The following ADGRL3 variants were observed in gnomAD, a reference collection of about 807,000 sequenced individuals.
ADGRL3 encodes adhesion G protein-coupled receptor L3, also known as calcium-independent alpha-latrotoxin receptor 3.
ADGRL3 carries 62 observed loss-of-function variants against 153.5 expected under a neutral mutation model. The ratio of observed to expected loss-of-function variants is 0.40; its 90% CI spans 0.33 to 0.50. ADGRL3 has a LOEUF of 0.50. ADGRL3 is among the 20% of genes least tolerant of loss of function. The pLI, the probability that ADGRL3 is intolerant of heterozygous loss-of-function variation, is 0.47. For missense variants in ADGRL3, 1,641 were observed against 1,859.4 expected (o/e 0.88, Z 2.16); for synonymous variants, 710 against 672.5 (o/e 1.06, Z -0.86).
chr4:61,808,046 C>G (rs1439821679), intron 8 of ADGRL3, among the ~76,000 whole-genome samples: 2 of 152,162 alleles, frequency 1.3e-5, no homozygotes, highest in Non-Finnish European at 2.9e-5. Flanking sequence ...CAGTCTTTCA[C>G]TGGACTATGA....
At position 61,477,946 on chromosome 4, in the gene ADGRL3, A is replaced by G. The variant is rs568950895; in HGVS notation, c.-173-19175A>G. On this transcript the variant is annotated intron_variant, in intron 2 of 26. Transcript: ENST00000683033. ...AAAAAAAGGCTTGAAATAGTTTAAG[A>G]GTTTTCATTAGTTCTGAAACATTGT... Among the ~76,000 whole-genome samples the G allele has an allele frequency of 2.0e-3, 301 of 152,168 alleles. 2 individuals carry two copies. Among genetic ancestry groups the G allele is most frequent in the African/African-American group, 7.0e-3 (292 of 41,552 alleles).
chr4:61,797,895 CT>C (rs1169151130), intron 8 of ADGRL3, among the ~76,000 whole-genome samples: 2 of 152,082 alleles, frequency 1.3e-5, no homozygotes, highest in East Asian at 3.9e-4. Context: ...TATTGTCATA[CT>C]TGTTAGCGAT....
At chr4:61,646,930 C>T (rs968098367) in intron 5 of ADGRL3, among the ~76,000 whole-genome samples, 26 of 152,336 alleles carry the variant, frequency 1.7e-4, no homozygotes, top group African/African-American at 4.3e-4. Context: ...ATCAGCGAGA[C>T]TCCGTGGGCG....
At chr4:61,217,961 A>G (rs950502098) in intron 1 of ADGRL3, among the ~76,000 whole-genome samples, 2 of 152,196 alleles carry the variant, frequency 1.3e-5, no homozygotes, top group Non-Finnish European at 2.9e-5. Flanking sequence ...AACAATTGTT[A>G]AGGAAACTGT....
At chr4:61,737,464 A>ATT in intron 8 of ADGRL3, among the ~76,000 whole-genome samples, 1 of 152,132 alleles carries the variant, frequency 6.6e-6, no homozygotes, top group Non-Finnish European at 1.5e-5. Context: ...TCTGAACATG[A>ATT]GCTTGGGAGT....
intron 9 of ADGRL3, among the ~76,000 whole-genome samples, chr4:61,877,620 G>T (rs1383567361): frequency 1.3e-5 from 2 of 152,182 alleles, no homozygotes; most frequent in Non-Finnish European, 2.9e-5. Flanking sequence ...TTAAACAACA[G>T]AAATTTACTG....
intron 21 of ADGRL3, among the ~76,000 whole-genome samples, chr4:62,005,357 C>A (rs1439269276): frequency 6.6e-6 from 1 of 152,034 alleles, no homozygotes; most frequent in Non-Finnish European, 1.5e-5. Context: ...CATATTTTGT[C>A]GACTGGAAGC....
intron 8 of ADGRL3, among the ~76,000 whole-genome samples, chr4:61,765,924 G>C (rs1213020037): frequency 6.6e-6 from 1 of 152,122 alleles, no homozygotes; most frequent in Non-Finnish European, 1.5e-5. Context: ...TTATTTCTTT[G>C]AGGATAGATT....
rs557079379 is a variant in ADGRL3 at position 61,423,729 on chromosome 4, C to CT, written c.-174+40541dup. 7.5e-4 allele frequency among the ~76,000 whole-genome samples: 114 copies of CT among 152,240 alleles called. 1 individual carries two copies. Among genetic ancestry groups the CT allele is most frequent in the Non-Finnish European group, 1.4e-3 (93 of 68,016 alleles). ...AGAGGTTTCAGACTTTTAAAGCCTG[C>CT]TGAAAGTCCTGGTTGTGTTGTTCTT... is the stretch of plus-strand genomic sequence containing the variant. On this transcript the variant is annotated intron_variant, in intron 2 of 26. Coordinates refer to ENST00000683033, the MANE Select transcript of ADGRL3 (RefSeq NM_001387552.1).
intron 3 of ADGRL3, among the ~76,000 whole-genome samples, chr4:61,498,110 G>C (rs1194009438): frequency 1.3e-5 from 2 of 152,102 alleles, no homozygotes; most frequent in East Asian, 3.9e-4. Context: ...AAAAGTATCT[G>C]CTTTCCAAAA....
intron 4 of ADGRL3, among the ~76,000 whole-genome samples, chr4:61,550,126 A>C (rs1425833330): frequency 1.3e-5 from 2 of 151,934 alleles, no homozygotes; most frequent in African/African-American, 4.8e-5. Context: ...AAAATTCCTT[A>C]CCAAAATATA....
intron 6 of ADGRL3, among the ~76,000 whole-genome samples, chr4:61,723,461 A>G (rs569122319): frequency 1.7e-4 from 26 of 152,236 alleles, no homozygotes; most frequent in African/African-American, 6.0e-4. Context: ...CTGAACAGAT[A>G]AAAACCCCTG....
intron 1 of ADGRL3, among the ~76,000 whole-genome samples, chr4:61,275,194 T>C (rs1418484139): frequency 2.0e-5 from 3 of 152,320 alleles, no homozygotes; most frequent in Non-Finnish European, 4.4e-5. Context: ...CTGTCAATGT[T>C]GTCAGTTGTG....
At chr4:61,338,905 AT>A (rs2095744936) in intron 1 of ADGRL3, among the ~76,000 whole-genome samples, 1 of 152,202 alleles carries the variant, frequency 6.6e-6, no homozygotes, top group East Asian at 1.9e-4. Flanking sequence ...AGTCTAATGT[AT>A]ATCAGTTGTG....
At chr4:61,615,577 TGTGTG>T (rs1215726248) in intron 5 of ADGRL3, among the ~76,000 whole-genome samples, 2 of 938 alleles carry the variant, frequency 2.1e-3, no homozygotes, top group African/African-American at 2.9e-3. Context: ...GTTGGAATAT[TGTGTG>T]TGTGTGTGTG....
chr4:61,930,593 T>C (rs2098813725), intron 13 of ADGRL3, among the ~76,000 whole-genome samples: 1 of 152,130 alleles, frequency 6.6e-6, no homozygotes, highest in African/African-American at 2.4e-5. Context: ...TTATATGCTA[T>C]GAGTAATATT....
Position 61,315,053 on chromosome 4 carries a change from T to C in ADGRL3, c.-239-68071T>C, listed in dbSNP as rs565460781. ...TGGGATCTTGATCTAACCTGGGTTA[T>C]GAAAGAAGGCTACCTAAGGAAGGGA... On this transcript the variant is annotated intron_variant, in intron 1 of 26. Coordinates refer to ENST00000683033, the MANE Select transcript of ADGRL3 (RefSeq NM_001387552.1). Among the ~76,000 whole-genome samples, 7 of 152,324 alleles carry C rather than the reference T, an allele frequency of 4.6e-5. No homozygotes were observed. The South Asian group carries it at 1.2e-3, about 27-fold the overall frequency.
At chr4:61,238,204 C>T (rs185848117) in intron 1 of ADGRL3, among the ~76,000 whole-genome samples, 4 of 152,158 alleles carry the variant, frequency 2.6e-5, no homozygotes, top group African/African-American at 4.8e-5. Context: ...ATAGAACCAC[C>T]GTGTCCTCCT....
chr4:61,958,297 T>C (rs1468538044), intron 17 of ADGRL3, among the ~76,000 whole-genome samples: 3 of 152,160 alleles, frequency 2.0e-5, no homozygotes, highest in African/African-American at 7.2e-5. Flanking sequence ...CTCTTACATA[T>C]CCAAAAAGTG....
Sources: gnomAD v4.1 joint callset for allele counts (sites outside exome capture counted in the v4.1 genomes callset) on GRCh38, gnomAD v4.1.1 for gene constraint, MANE v1.5 for transcripts, NCBI Gene and HGNC (gene_info 2026-07-23, HGNC 2026-07-21) for gene names.